The following ADCY1 variants were observed in gnomAD, a reference collection of about 807,000 sequenced individuals.
ADCY1 encodes the protein adenylate cyclase type 1.
In ADCY1, 28 loss-of-function variants were observed where a neutral mutation model predicts 105.4. That is an observed-to-expected ratio of 0.27 (90% CI 0.20 to 0.36). The LOEUF (loss-of-function observed/expected upper bound fraction) is 0.36. Ranked by LOEUF, ADCY1 falls within the 10% of genes least tolerant of loss-of-function variation. ADCY1 has a pLI of 1.00. For missense variants in ADCY1, 977 were observed against 1,434.2 expected (o/e 0.68, Z 5.15); for synonymous variants, 655 against 623.8 (o/e 1.05, Z -0.75).
chr7:45,679,145 A>G (rs903765335), intron 10 of ADCY1, among the ~76,000 whole-genome samples: 5 of 152,098 alleles, frequency 3.3e-5, no homozygotes, highest in Non-Finnish European at 7.4e-5. Flanking sequence ...TCATTTCTTA[A>G]TAAAACCTAC....
Position 45,666,814 on chromosome 7 carries a change from G to A in ADCY1, c.1605+4600G>A, listed in dbSNP as rs540914978. ...GTTGTTTCCTGACTTTTTAATGATC[G>A]CCATTCTAAGTGGTGTGAGATGGTA... On this transcript the variant is annotated intron_variant, in intron 8 of 19. Coordinates refer to ENST00000297323, the MANE Select transcript of ADCY1 (RefSeq NM_021116.4). 5.1e-4 allele frequency among the ~76,000 whole-genome samples: 77 copies of A among 152,212 alleles called. 1 individual carries two copies. Among genetic ancestry groups the A allele is most frequent in the Admixed American group, 2.0e-3 (30 of 15,288 alleles).
intron 7 of ADCY1, among the ~76,000 whole-genome samples, chr7:45,660,568 CAT>C (rs1298238136): frequency 1.3e-5 from 2 of 152,228 alleles, no homozygotes; most frequent in Non-Finnish European, 2.9e-5. Flanking sequence ...TACCGTCTTA[CAT>C]GGGGCACTTG....
At chr7:45,624,462 A>G (rs1360359313) in intron 4 of ADCY1, among the ~76,000 whole-genome samples, 2 of 152,124 alleles carry the variant, frequency 1.3e-5, no homozygotes, top group Admixed American at 6.5e-5. Flanking sequence ...CTTTTCTAAT[A>G]AACAGTGGAA....
chr7:45,611,299 G>A (rs969886088), intron 3 of ADCY1, among the ~76,000 whole-genome samples: 2 of 151,958 alleles, frequency 1.3e-5, no homozygotes, highest in African/African-American at 4.8e-5. Context: ...GGTCCTACGT[G>A]TAGGGGGCTC....
At chr7:45,679,528 A>G (rs1289888457) in intron 10 of ADCY1, among the ~76,000 whole-genome samples, 181 bp from the exon 11 acceptor site, 1 of 152,130 alleles carries the variant, frequency 6.6e-6, no homozygotes, top group Non-Finnish European at 1.5e-5. Context: ...GCCCTGCCCT[A>G]AAAAATAGAA....
At chr7:45,604,148 T>C (rs1422571894) in intron 2 of ADCY1, among the ~76,000 whole-genome samples, 1 of 152,230 alleles carries the variant, frequency 6.6e-6, no homozygotes, top group African/African-American at 2.4e-5. Flanking sequence ...CCAGAATGGT[T>C]GTACCATTTA....
At position 45,674,548 on chromosome 7, in the gene ADCY1, A is replaced by G. The variant is rs1041344483; in HGVS notation, c.1606-3321A>G. ...GCCACCACGCCCTGCTAATTTTTGTATTTTTAGTGGAGACGGGGTTTCAGC... is the reference window on the plus strand; with the variant it reads ...GCCACCACGCCCTGCTAATTTTTGTGTTTTTAGTGGAGACGGGGTTTCAGC... On this transcript the variant is annotated intron_variant, in intron 8 of 19. Coordinates refer to ENST00000297323, the MANE Select transcript of ADCY1 (RefSeq NM_021116.4). Among the ~76,000 whole-genome samples the G allele has an allele frequency of 2.0e-5, 3 of 151,884 alleles. No homozygotes were observed. In the South Asian group the frequency reaches 6.2e-4, roughly 32 times the overall value.
chr7:45,700,298 CTCTGA>C (rs1186166461), intron 14 of ADCY1, among the ~76,000 whole-genome samples: 1 of 152,210 alleles, frequency 6.6e-6, no homozygotes, highest in African/African-American at 2.4e-5. Context: ...TACTTGCTTG[CTCTGA>C]TCTTTCTTCG....
At chr7:45,676,226 C>T (rs1001665109) in intron 8 of ADCY1, among the ~76,000 whole-genome samples, 1 of 152,030 alleles carries the variant, frequency 6.6e-6, no homozygotes, top group Admixed American at 6.5e-5. Context: ...TCTGTTCTTT[C>T]TTATACTTTC....
chr7:45,648,632 G>A (rs757710192), intron 4 of ADCY1, 38 bp from the exon 5 acceptor site: 6 of 1,613,442 alleles, frequency 3.7e-6, no homozygotes, highest in South Asian at 2.2e-5. Flanking sequence ...AGCCTCTGTA[G>A]CGCTGTCTCT....
chr7:45,706,651 G>A (rs1785127114), intron 17 of ADCY1, among the ~76,000 whole-genome samples: 1 of 152,076 alleles, frequency 6.6e-6, no homozygotes, highest in East Asian at 1.9e-4. Context: ...GTTTGGCAAT[G>A]ACTTTTTAAA....
chr7:45,678,262 C>A lies in ADCY1; in HGVS notation c.1897C>A (p.Gln633Lys). Residue 633 changes from glutamine to lysine, a missense_variant and splice_region_variant, in exon 10 of 20, where the codon CAG becomes AAG. Around this residue, in one of 7 missense-constraint regions of ADCY1, gnomAD observed 275 missense variants for 362.1 expected, o/e 0.76. Transcript: ENST00000297323. The stretch of plus-strand genomic sequence containing the variant: ...CCTTGTCTACCTTCTAATATTCCCA[C>A]AGTGAGTATTTCTATCAACGAGGTG... ...FGLVYLLIFP[Q>K]SVVVLLLLVF... 6.2e-7 allele frequency: 1 copy of A among 1,611,582 alleles called. No individual in the cohort carries two copies. Among genetic ancestry groups the A allele is most frequent in the Non-Finnish European group, 8.5e-7 (1 of 1,177,658 alleles).
chr7:45,677,671 G>A (rs558722679), intron 8 of ADCY1, among the ~76,000 whole-genome samples, 198 bp from the exon 9 acceptor site: 2 of 152,264 alleles, frequency 1.3e-5, no homozygotes, highest in East Asian at 1.9e-4. Flanking sequence ...CATTACAGGT[G>A]TGGGAACCCC....
At position 45,671,360 on chromosome 7, in the gene ADCY1, A is replaced by G. The variant is rs112242188; in HGVS notation, c.1606-6509A>G. Among the ~76,000 whole-genome samples the G allele has an allele frequency of 2.4e-3, 367 of 152,328 alleles. 1 individual carries two copies. Among genetic ancestry groups the G allele is most frequent in the African/African-American group, 8.4e-3 (349 of 41,578 alleles). On this transcript the variant is annotated intron_variant, in intron 8 of 19. Transcript: ENST00000297323. ...GTTGAAGGACATTTCTGTTTCCAGT[A>G]TTTAACTTTTACAAATAAAGCTGCC...
rs776575889 is a variant in ADCY1 at position 45,686,081 on chromosome 7, G to C, written c.2193G>C (p.Leu731=). 1.2e-6 allele frequency: 2 copies of C among 1,614,122 alleles called. No homozygotes were observed. Among genetic ancestry groups the C allele is most frequent in the Non-Finnish European group, 1.7e-6 (2 of 1,180,006 alleles). The part of the protein sequence containing the change: ...TLPCESTHHA[L]LCCLVGTLPL... ...CCTGCGAGTCTACACACCATGCCCT[G>C]CTCTGCTGCCTGGTGGGCACCCTCC... The change falls in exon 13 of 20, where the codon CTG becomes CTC. Residue 731 remains leucine (L), a synonymous_variant. Transcript: ENST00000297323. This position sits in a 1 kb window ranked among gnomAD's most constrained non-coding sequence, Gnocchi z 4.3.
chr7:45,676,060 T>A (rs919731762), intron 8 of ADCY1, among the ~76,000 whole-genome samples: 4 of 151,958 alleles, frequency 2.6e-5, no homozygotes, highest in Non-Finnish European at 4.4e-5. Flanking sequence ...TTTTTTTTTT[T>A]AAGTCTGTTT....
At chr7:45,638,411 A>G (rs559508130) in intron 4 of ADCY1, among the ~76,000 whole-genome samples, 93 of 151,218 alleles carry the variant, frequency 6.2e-4, no homozygotes, top group Non-Finnish European at 1.0e-3. Flanking sequence ...CAGAAGTTCA[A>G]TTTGAATCTT....
At chr7:45,651,745 C>T (rs1338075373) in intron 5 of ADCY1, among the ~76,000 whole-genome samples, 3 of 152,160 alleles carry the variant, frequency 2.0e-5, no homozygotes, top group Non-Finnish European at 4.4e-5. Flanking sequence ...AGTAATTGCC[C>T]ACTGACTTCC....
At position 45,657,903 on chromosome 7, in the gene ADCY1, TGG is replaced by T; in HGVS notation, c.1307+21_1307+22del. The T allele has an allele frequency of 4.1e-6, 1 of 242,750 alleles. No individual in the cohort carries two copies. Among genetic ancestry groups the T allele is most frequent in the Non-Finnish European group, 8.0e-6 (1 of 124,868 alleles). The allele number at this position is 242,750 out of a possible 1,614,324, so 15.0% of individuals were successfully genotyped here. On this transcript the variant is annotated intron_variant, in intron 6 of 19. Transcript: ENST00000297323. ...CTGCCAGGGTAAGTCGGGGATGGGGTGGGGAGGGGAGGGAGGTGGGTGATGGC... is the reference window on the plus strand; with the variant it reads ...CTGCCAGGGTAAGTCGGGGATGGGGTGGAGGGGAGGGAGGTGGGTGATGGC...
Sources: allele counts gnomAD v4.1 joint callset (sites outside exome capture counted in the v4.1 genomes callset), GRCh38; gene constraint gnomAD v4.1.1; regional missense constraint gnomAD v4.1.1; non-coding constraint Gnocchi (gnomAD v3.1); transcripts MANE v1.5; gene names NCBI Gene and HGNC (gene_info 2026-07-23, HGNC 2026-07-21).